The following NOVA2 variants were observed in gnomAD, a reference collection of about 807,000 sequenced individuals.
NOVA2 encodes NOVA alternative splicing regulator 2.
In NOVA2, 9 loss-of-function variants were observed where a neutral mutation model predicts 22.5. That is an observed-to-expected ratio of 0.40 (90% confidence interval 0.24 to 0.70). NOVA2 has a LOEUF of 0.70. Among genes scored for constraint, NOVA2 ranks in the 30% least tolerant of loss-of-function variants. The pLI is 0.38. For missense variants in NOVA2, 383 were observed against 682.8 expected, an observed-to-expected ratio of 0.56 and a Z score of 4.89; for synonymous variants, 318 against 335.2, an observed-to-expected ratio of 0.95 and a Z score of 0.56.
intron 3 of NOVA2, among the ~76,000 whole-genome samples, chr19:45,945,936 G>A (rs901494860): frequency 1.0e-4 from 15 of 144,436 alleles, no homozygotes; most frequent in Admixed American, 2.1e-4. Flanking sequence ...CTGGGTTCAA[G>A]TGATTCTCAA....
At chr19:45,955,318 C>T (rs1348205990) in intron 2 of NOVA2, among the ~76,000 whole-genome samples, 1 of 152,108 alleles carries the variant, frequency 6.6e-6, no homozygotes, top group Non-Finnish European at 1.5e-5. Context: ...GACCCTATGA[C>T]CAGTGTGTGT....
rs561065896 is a variant in NOVA2, at chr19:45,953,010, A to C, written c.396+770T>G. On this transcript the variant is annotated intron_variant, in intron 3 of 3. Transcript: ENST00000263257. ...AGCCCAGGGGTTCTCGCCCCATTGCACGGAGTACGCATGCATAGGGGAGTG... is the reference window on the plus strand; with the variant it reads ...AGCCCAGGGGTTCTCGCCCCATTGCCCGGAGTACGCATGCATAGGGGAGTG... Among the ~76,000 whole-genome samples, 199 of 152,322 alleles carry C rather than the reference A, an allele frequency of 1.3e-3. 1 individual carries two copies. The highest frequency in any genetic ancestry group is 4.6e-3 in the African/African-American group (192 of 41,580).
At position 45,936,520 on chromosome 19, in the gene NOVA2, T is replaced by G. The variant is rs1360370817; in HGVS notation, c.*3343A>C. ...CCCATTTCCTCCCCTCTATCCAAGGTCCTCTCCCCCCAGAGCGGCTCAGTT... is the reference window on the plus strand; with the variant it reads ...CCCATTTCCTCCCCTCTATCCAAGGGCCTCTCCCCCCAGAGCGGCTCAGTT... On this transcript the variant is annotated 3_prime_UTR_variant, in exon 4 of 4. Coordinates refer to ENST00000263257, the MANE Select transcript of NOVA2 (RefSeq NM_002516.4). The G allele has an allele frequency of 6.6e-6, 1 of 151,258 alleles. No homozygotes were observed. The highest frequency in any genetic ancestry group is 1.5e-5 in the Non-Finnish European group (1 of 67,864). The allele number at this position is 151,258 out of a possible 1,614,324, so 9.4% of individuals were successfully genotyped here. A position where few individuals can be genotyped will look rare whatever the true frequency, so the allele number is the denominator to read the frequency against.
chr19:45,972,205 CCCA>C (rs1345119139), intron 1 of NOVA2, among the ~76,000 whole-genome samples: 2 of 152,064 alleles, frequency 1.3e-5, no homozygotes. Flanking sequence ...GTGCGTTTCA[CCCA>C]CAAGCCCCAG....
rs1026859303 is a variant in NOVA2 at position 45,960,991 on chromosome 19, G to C, written c.229+19C>G. 2 of 1,566,908 alleles carry C rather than the reference G, an allele frequency of 1.3e-6. No individual in the cohort carries two copies. Among genetic ancestry groups the C allele is most frequent in the Middle Eastern group, 1.7e-4 (1 of 5,870 alleles). On this transcript the variant is annotated intron_variant, in intron 2 of 3. Coordinates refer to ENST00000263257, the MANE Select transcript of NOVA2 (RefSeq NM_002516.4). ...GGAAGGGCGGGGGGCCTAGGGCAGA[G>C]ACCTGGGCCGGGGCTCACCGGGGTA...
chr19:45,964,161 TTTTTTC>T (rs1310035798), intron 1 of NOVA2, among the ~76,000 whole-genome samples: 62 of 145,920 alleles, frequency 4.2e-4, no homozygotes, highest in African/African-American at 1.5e-3. Context: ...CCTATTTTCT[TTTTTTC>T]TTTTTCTTTT....
At chr19:45,953,605 T>C (rs563365867) in intron 3 of NOVA2, among the ~76,000 whole-genome samples, 175 bp downstream of exon 3, 2 of 152,360 alleles carry the variant, frequency 1.3e-5, no homozygotes, top group South Asian at 4.1e-4. Context: ...GTCCTTTCTA[T>C]TCTATTAGAG....
At chr19:45,965,991 C>T (rs771450510) in intron 1 of NOVA2, among the ~76,000 whole-genome samples, 9 of 152,210 alleles carry the variant, frequency 5.9e-5, no homozygotes, top group Non-Finnish European at 1.2e-4. Flanking sequence ...CAGTGCTTAT[C>T]ACAGCATCAG....
At position 45,961,841 on chromosome 19, in the gene NOVA2, A is replaced by AC. The variant is rs542733949; in HGVS notation, c.86-689dup. The stretch of plus-strand genomic sequence containing the variant: ...AGGATATGGAGGAAGGAACGGAACC[A>AC]CATGGCTATGTGAAGGACGAGTGAG... On this transcript the variant is annotated intron_variant, in intron 1 of 3. Coordinates refer to ENST00000263257, the MANE Select transcript of NOVA2 (RefSeq NM_002516.4). 2.5e-4 allele frequency among the ~76,000 whole-genome samples: 38 copies of AC among 152,310 alleles called. No individual in the cohort carries two copies. In the South Asian group the frequency reaches 7.7e-3, roughly 31 times the overall value.
intron 3 of NOVA2, among the ~76,000 whole-genome samples, chr19:45,946,575 T>A (rs1967841501): frequency 1.3e-5 from 2 of 151,510 alleles, no homozygotes; most frequent in Non-Finnish European, 2.9e-5. Flanking sequence ...TACTTAGGAG[T>A]AAAGAGTCAT....
chr19:45,947,434 T>G (rs998137269), intron 3 of NOVA2, among the ~76,000 whole-genome samples: 4 of 151,746 alleles, frequency 2.6e-5, no homozygotes, highest in African/African-American at 9.7e-5. Context: ...TCCAGATGAG[T>G]TGGAAATGCT....
intron 3 of NOVA2, among the ~76,000 whole-genome samples, chr19:45,944,583 T>C (rs1967810247): frequency 6.6e-6 from 1 of 152,268 alleles, no homozygotes; most frequent in South Asian, 2.1e-4. Flanking sequence ...GGTATATCCA[T>C]ACAATGGAAT....
At chr19:45,957,776 G>T (rs946620595) in intron 2 of NOVA2, among the ~76,000 whole-genome samples, 3 of 151,768 alleles carry the variant, frequency 2.0e-5, no homozygotes, top group African/African-American at 7.3e-5. Context: ...AGGGTATAAA[G>T]CTTCAAGCAG....
Position 45,934,118 on chromosome 19 carries a change from G to C in NOVA2, c.*5745C>G, listed in dbSNP as rs751104548. ...AGGCAGGGGGCCAGCCTGGGGCCTG[G>C]GCCTTTTAATCTAAGGACTGGGGAG... On this transcript the variant is annotated 3_prime_UTR_variant, in exon 4 of 4. Transcript: ENST00000263257. The C allele has an allele frequency of 1.3e-5, 2 of 152,350 alleles. No homozygotes were observed. Among genetic ancestry groups the C allele is most frequent in the Non-Finnish European group, 2.9e-5 (2 of 68,174 alleles). 9.4% of individuals were successfully genotyped at this position (152,350 alleles called of 1,614,324 possible).
Position 45,938,698 on chromosome 19 carries a change from T to C in NOVA2, c.*1165A>G, listed in dbSNP as rs1967694095. ...CAATATTGGTTTTTTTCCGTTAGAG[T>C]CCTCCAGATTGGATCCAAGTCCCGT... On this transcript the variant is annotated 3_prime_UTR_variant, in exon 4 of 4. Coordinates refer to ENST00000263257, the MANE Select transcript of NOVA2 (RefSeq NM_002516.4). 1 of 151,904 alleles carries C rather than the reference T, an allele frequency of 6.6e-6. No individual in the cohort carries two copies. The highest frequency in any genetic ancestry group is 2.4e-5 in the African/African-American group (1 of 41,316). The allele number at this position is 151,904 out of a possible 1,614,324, so 9.4% of individuals were successfully genotyped here.
intron 2 of NOVA2, among the ~76,000 whole-genome samples, chr19:45,954,863 TG>T (rs1568667123): frequency 6.7e-6 from 1 of 148,344 alleles, no homozygotes; most frequent in African/African-American, 2.5e-5. Context: ...GTGGTGTGTG[TG>T]TGTGTGTGTG....
intron 1 of NOVA2, among the ~76,000 whole-genome samples, chr19:45,964,301 T>C (rs1314381422): frequency 2.0e-5 from 3 of 149,944 alleles, no homozygotes; most frequent in Non-Finnish European, 4.4e-5. Flanking sequence ...TGCCTCAGCC[T>C]GCGGAGTAGC....
chr19:45,959,476 G>A (rs565344937), intron 2 of NOVA2, among the ~76,000 whole-genome samples: 2 of 152,152 alleles, frequency 1.3e-5, no homozygotes, highest in Admixed American at 6.5e-5. Flanking sequence ...GACATGTCTC[G>A]TGGCACAGAA....
chr19:45,945,839 T>A (rs1056364951), intron 3 of NOVA2, among the ~76,000 whole-genome samples: 2 of 142,922 alleles, frequency 1.4e-5, no homozygotes, highest in African/African-American at 5.3e-5. Context: ...ATTATTATTA[T>A]TTTTTTTTTT....
Sources: allele counts gnomAD v4.1 joint callset (sites outside exome capture counted in the v4.1 genomes callset), GRCh38; gene constraint gnomAD v4.1.1; transcripts MANE v1.5; gene names NCBI Gene and HGNC (gene_info 2026-07-23, HGNC 2026-07-21).